NLGN4Y: variants seen among roughly 807,000 people sequenced by gnomAD.
NLGN4Y encodes neuroligin-4, Y-linked.
NLGN4Y carries 4 observed loss-of-function variants against 8.4 expected under a neutral mutation model. That is an observed-to-expected ratio of 0.48 (90% CI 0.23 to 1.09). The LOEUF (loss-of-function observed/expected upper bound fraction) is 1.09. NLGN4Y is among the 50% of genes least tolerant of loss of function. NLGN4Y has a pLI of 0.19. For synonymous variants in NLGN4Y, 35 were observed against 75.6 expected (o/e 0.46, Z 2.78); for missense variants, 90 against 192.3 (o/e 0.47, Z 3.15).
intron 4 of NLGN4Y, among the ~76,000 whole-genome samples, chrY:14,776,669 A>T: frequency 3.1e-5 from 1 of 32,227 alleles, no homozygotes; most frequent in African/African-American, 1.2e-4. Flanking sequence ...GCATTTCTTG[A>T]ATCTCTTTGA....
At chrY:14,637,844 TG>T (rs2080570871) in intron 2 of NLGN4Y, among the ~76,000 whole-genome samples, 1 of 28,811 alleles carries the variant, frequency 3.5e-5, no homozygotes, top group Non-Finnish European at 8.4e-5. Flanking sequence ...TGGTTGCCTA[TG>T]TTTTTTTTTT....
intron 2 of NLGN4Y, among the ~76,000 whole-genome samples, chrY:14,684,391 G>A: frequency 3.1e-5 from 1 of 32,756 alleles, no homozygotes; most frequent in African/African-American, 1.2e-4. Flanking sequence ...TCTGCAGGCT[G>A]TACATCAATC....
intron 4 of NLGN4Y, among the ~76,000 whole-genome samples, chrY:14,778,536 G>A (rs762290507): frequency 2.9e-5 from 1 of 33,973 alleles, no homozygotes; most frequent in East Asian, 7.7e-4. Context: ...TATGCATATT[G>A]CAGTTTGAAA....
intron 4 of NLGN4Y, among the ~76,000 whole-genome samples, chrY:14,787,967 G>A: frequency 9.0e-5 from 3 of 33,509 alleles, no homozygotes; most frequent in Non-Finnish European, 1.5e-4. Context: ...TAGTAGGAGG[G>A]CACAGTAAGG....
chrY:14,640,146 G>A, intron 2 of NLGN4Y: 1 of 114,700 alleles, frequency 8.7e-6, no homozygotes, highest in Non-Finnish European at 1.9e-5. Flanking sequence ...ACAGGAACTC[G>A]AAAGGTTTGA....
At chrY:14,821,487 G>C in intron 4 of NLGN4Y, among the ~76,000 whole-genome samples, 1 of 33,698 alleles carries the variant, frequency 3.0e-5, no homozygotes, top group Admixed American at 2.7e-4. Flanking sequence ...ATAGAGTGCA[G>C]ATTTGTGCAT....
intron 4 of NLGN4Y, among the ~76,000 whole-genome samples, chrY:14,771,167 A>C: frequency 3.1e-5 from 1 of 32,158 alleles, no homozygotes; most frequent in Non-Finnish European, 7.6e-5. Context: ...GCAACCTAGC[A>C]AGACAGGCCA....
intron 4 of NLGN4Y, among the ~76,000 whole-genome samples, chrY:14,756,574 C>T (rs764756354): frequency 5.0e-4 from 14 of 27,877 alleles, no homozygotes; most frequent in Non-Finnish European, 9.9e-4. Context: ...ATGATGAAAC[C>T]CCATCTCTAC....
chrY:14,828,734 G>A (rs2043158555), intron 5 of NLGN4Y, among the ~76,000 whole-genome samples: 1 of 33,088 alleles, frequency 3.0e-5, no homozygotes, highest in South Asian at 6.8e-4. Flanking sequence ...AAATCAACAC[G>A]GCATCTGGAC....
At chrY:14,571,304 T>G in intron 1 of NLGN4Y, among the ~76,000 whole-genome samples, 1 of 33,799 alleles carries the variant, frequency 3.0e-5, no homozygotes, top group Non-Finnish European at 7.3e-5. Flanking sequence ...TGTTGTGAGA[T>G]GGTATCTCAT....
intron 4 of NLGN4Y, among the ~76,000 whole-genome samples, chrY:14,736,427 T>G: frequency 3.0e-5 from 1 of 33,019 alleles, no homozygotes; most frequent in Non-Finnish European, 7.4e-5. Flanking sequence ...AGGTGAGACT[T>G]TGGACTTGGA....
At chrY:14,574,628 C>G in intron 1 of NLGN4Y, among the ~76,000 whole-genome samples, 1 of 33,147 alleles carries the variant, frequency 3.0e-5, no homozygotes, top group African/African-American at 1.2e-4. Flanking sequence ...GAATTTGATC[C>G]TGTCATTATG....
At chrY:14,719,105 T>C (rs2080925164) in intron 2 of NLGN4Y, among the ~76,000 whole-genome samples, 1 of 33,452 alleles carries the variant, frequency 3.0e-5, no homozygotes, top group Non-Finnish European at 7.4e-5. Flanking sequence ...GCATTTCTTT[T>C]AAGAATGTGG....
At chrY:14,545,935 T>A (rs2080170984) in intron 1 of NLGN4Y, among the ~76,000 whole-genome samples, 1 of 32,084 alleles carries the variant, frequency 3.1e-5, no homozygotes, top group Non-Finnish European at 7.6e-5. Context: ...CTTTAATCCA[T>A]CTTGAATTAA....
intron 1 of NLGN4Y, among the ~76,000 whole-genome samples, chrY:14,536,604 A>G (rs981646356): frequency 3.0e-5 from 1 of 33,294 alleles, no homozygotes; most frequent in Non-Finnish European, 7.4e-5. Context: ...ATTGGTAAAA[A>G]GTTCAAATGT....
At chrY:14,729,420 G>A in intron 4 of NLGN4Y, among the ~76,000 whole-genome samples, 1 of 33,429 alleles carries the variant, frequency 3.0e-5, no homozygotes, top group Non-Finnish European at 7.4e-5. Context: ...GAGTTCTAGA[G>A]ATAGATTCAT....
intron 1 of NLGN4Y, among the ~76,000 whole-genome samples, chrY:14,598,394 A>G (rs2080413319): frequency 3.0e-5 from 1 of 33,736 alleles, no homozygotes; most frequent in Non-Finnish European, 7.5e-5. Context: ...CCGGTGGGCC[A>G]GCGCTGCTGG....
chrY:14,837,102 G>A, intron 6 of NLGN4Y, among the ~76,000 whole-genome samples: 6 of 33,394 alleles, frequency 1.8e-4, no homozygotes, highest in African/African-American at 7.0e-4. Context: ...CCAATGAAGT[G>A]TTTAGCAGGG....
chrY:14,707,129 A>ATATATC, intron 2 of NLGN4Y, among the ~76,000 whole-genome samples: 1 of 14,709 alleles, frequency 6.8e-5, no homozygotes, highest in African/African-American at 2.7e-4. Context: ...ATATATATAT[A>ATATATC]TATATCTGTA....
Sources: allele counts gnomAD v4.1 joint callset (sites outside exome capture counted in the v4.1 genomes callset), GRCh38; gene constraint gnomAD v4.1.1; transcripts MANE v1.5; gene names NCBI Gene and HGNC (gene_info 2026-07-23, HGNC 2026-07-21).